Variants in IL17RE observed in about 807,000 individuals in gnomAD.
IL17RE encodes the protein interleukin-17 receptor E.
Under a neutral mutation model 70.7 loss-of-function variants are expected in IL17RE, and 47 were observed. The ratio of observed to expected loss-of-function variants is 0.67; its 90% CI spans 0.53 to 0.85. IL17RE has a LOEUF of 0.85. Among genes scored for constraint, IL17RE ranks in the 40% least tolerant of loss-of-function variants. The pLI is 0.00. For missense variants in IL17RE, 850 were observed against 893.9 expected (o/e 0.95, Z 0.63); for synonymous variants, 372 against 381.2 (o/e 0.98, Z 0.28).
chr3:9,907,208 T>C, intron 6 of IL17RE, 108 bp downstream of exon 6: 1 of 1,367,472 alleles, frequency 7.3e-7, no homozygotes, highest in South Asian at 1.3e-5. Flanking sequence ...ATGGTAACTG[T>C]CCAAGACCTC....
In IL17RE at chr3:9,906,808, C is replaced by A. The variant is rs988897648; in HGVS notation, c.469C>A (p.Pro157Thr). 3 of 1,614,088 alleles carry A rather than the reference C, an allele frequency of 1.9e-6. No individual in the cohort carries two copies. The highest frequency in any genetic ancestry group is 2.5e-6 in the Non-Finnish European group (3 of 1,180,052). The change falls in exon 5 of 16, where the codon CCT becomes ACT. Residue 157 changes from proline to threonine, a missense_variant. Physicochemically the swap from Pro to Thr is conservative, Grantham distance 38. Transcript: ENST00000383814. ...GGGACTTCGCTCTAAAAGGACCCAA[C>A]CTTCGGATCCAGAGACATGGGAAAG... ...HKGLRSKRTQ[P>T]SDPETWESLP...
intron 8 of IL17RE, 125 bp downstream of exon 8, chr3:9,909,408 C>T (rs2082839906): frequency 1.1e-6 from 1 of 872,756 alleles, no homozygotes; most frequent in Non-Finnish European, 1.8e-6. Flanking sequence ...GGGAAGTCCC[C>T]AGAAGGCATG....
At chr3:9,903,548 C>A (rs1163078332) in intron 2 of IL17RE, 136 bp downstream of exon 2, 5 of 941,982 alleles carry the variant, frequency 5.3e-6, no homozygotes, top group Non-Finnish European at 8.2e-6. Context: ...GGAATCATGA[C>A]AAGCCTGGGT....
intron 6 of IL17RE, among the ~76,000 whole-genome samples, chr3:9,908,037 C>G (rs938156952): frequency 1.3e-5 from 2 of 152,176 alleles, no homozygotes; most frequent in African/African-American, 2.4e-5. Flanking sequence ...CTCCTTCCCC[C>G]CAACTCCACC....
rs747873185 is a variant in IL17RE at position 9,915,810 on chromosome 3, A to G, written c.*3A>G. 3.3e-6 allele frequency: 5 copies of G among 1,520,464 alleles called. No homozygotes were observed. The highest frequency in any genetic ancestry group is 1.9e-4 in the Middle Eastern group (1 of 5,298). The allele number at this position is 1,520,464 out of a possible 1,614,324, so 94.2% of individuals were successfully genotyped here. The stretch of plus-strand genomic sequence containing the variant: ...CCCGACTTGCAGACCTAGGTTGAGC[A>G]GAGCTCCACCGCAGTCCCGGGTGTC... On this transcript the variant is annotated 3_prime_UTR_variant, in exon 16 of 16. Coordinates refer to ENST00000383814, the MANE Select transcript of IL17RE (RefSeq NM_153480.2). The surrounding 1 kb of genome is among the most constrained non-coding windows in gnomAD (Gnocchi z 4.9).
rs921042240 is a variant in IL17RE at position 9,903,919 on chromosome 3, C to A, written c.149-113C>A. ...CTGATCCTTAGACAGGTCCTGTAACCCCCAAAGTCATACTTCCAGGATGTG... is the reference window on the plus strand; with the variant it reads ...CTGATCCTTAGACAGGTCCTGTAACACCCAAAGTCATACTTCCAGGATGTG... On this transcript the variant is annotated intron_variant, in intron 2 of 15. Coordinates refer to ENST00000383814, the MANE Select transcript of IL17RE (RefSeq NM_153480.2). 27 of 1,330,700 alleles carry A rather than the reference C, an allele frequency of 2.0e-5. No homozygotes were observed. In the African/African-American group the frequency reaches 2.6e-4, roughly 13 times the overall value. 82.4% of individuals were successfully genotyped at this position (1,330,700 alleles called of 1,614,324 possible).
chr3:9,904,150 A>G lies in IL17RE; in HGVS notation c.267A>G (p.Ser89=). The G allele has an allele frequency of 1.9e-6, 3 of 1,614,072 alleles. No homozygotes were observed. In the Admixed American group the frequency reaches 5.0e-5, roughly 27 times the overall value. Reference sequence around the variant, plus strand: ...GCCAGCATCTGCTGTCAGGTGGCTCAGGTATGAGAAACAGCCCCTTGGGCC... The same window carrying G: ...GCCAGCATCTGCTGTCAGGTGGCTCGGGTATGAGAAACAGCCCCTTGGGCC... ...CLCQHLLSGG[S]GLQRGLFHLL... is the part of the protein sequence containing the mutation. Residue 89 remains serine (S), a splice_region_variant and synonymous_variant, in exon 3 of 16, where the codon TCA becomes TCG. Coordinates refer to ENST00000383814, the MANE Select transcript of IL17RE (RefSeq NM_153480.2).
intron 3 of IL17RE, among the ~76,000 whole-genome samples, 193 bp from the exon 4 acceptor site, chr3:9,906,171 C>T (rs1311821512): frequency 6.6e-6 from 1 of 151,832 alleles, no homozygotes; most frequent in African/African-American, 2.4e-5. Flanking sequence ...ATCACTTGAA[C>T]TTGGGAGGTG....
At chr3:9,902,579 A>G (rs2082662396), upstream of IL17RE, 7 of 1,513,412 alleles carry the variant, frequency 4.6e-6, no homozygotes, top group Middle Eastern at 6.7e-4. Context: ...GGTGGATCAG[A>G]TCTGCAGTGT....
At chr3:9,912,405 A>G (rs975864722) in intron 12 of IL17RE, among the ~76,000 whole-genome samples, 5 of 152,166 alleles carry the variant, frequency 3.3e-5, no homozygotes, top group East Asian at 1.9e-4. Context: ...TGCCTCCACG[A>G]GGCACCTGTG....
Position 9,915,999 on chromosome 3 carries a change from C to A in IL17RE, c.*192C>A. On this transcript the variant is annotated 3_prime_UTR_variant, in exon 16 of 16. Coordinates refer to ENST00000383814, the MANE Select transcript of IL17RE (RefSeq NM_153480.2). The surrounding 1 kb of genome is among the most constrained non-coding windows in gnomAD (Gnocchi z 4.9). ...GCGCGCGTCCCTCTTCCTCCTCATA[C>A]TTTCCCTTGACTGAGAGCTCCTCTA... 1 of 1,044,646 alleles carries A rather than the reference C, an allele frequency of 9.6e-7. No individual in the cohort carries two copies. The highest frequency in any genetic ancestry group is 1.3e-6 in the Non-Finnish European group (1 of 788,416). 64.7% of individuals were successfully genotyped at this position (1,044,646 alleles called of 1,614,324 possible). A position where few individuals can be genotyped will look rare whatever the true frequency, so the allele number is the denominator to read the frequency against.
In IL17RE at chr3:9,914,722, C is replaced by T; in HGVS notation, c.1392C>T (p.Ala464=). The change falls in exon 15 of 16, where the codon GCC becomes GCT. Residue 464 remains alanine, a synonymous_variant. Coordinates refer to ENST00000383814, the MANE Select transcript of IL17RE (RefSeq NM_153480.2). ...GGCTCTTGATCCTGGCACTGCTGGC[C>T]CTCCTCACCCTACTGGGTGTTGTTC... ...HLGLLILALL[A]LLTLLGVVLA... The T allele has an allele frequency of 6.2e-7, 1 of 1,614,120 alleles. No individual in the cohort carries two copies. The highest frequency in any genetic ancestry group is 8.5e-7 in the Non-Finnish European group (1 of 1,180,018).
intron 2 of IL17RE, 125 bp downstream of exon 2, chr3:9,903,537 T>G: frequency 9.5e-7 from 1 of 1,056,936 alleles, no homozygotes; most frequent in Non-Finnish European, 1.4e-6. Context: ...AGGAAAAATT[T>G]GGAATCATGA....
At chr3:9,907,771 C>T (rs1315131325) in intron 6 of IL17RE, among the ~76,000 whole-genome samples, 1 of 152,194 alleles carries the variant, frequency 6.6e-6, no homozygotes, top group Non-Finnish European at 1.5e-5. Context: ...AGTGATATGT[C>T]TCCCATTCTC....
chr3:9,915,686 C>A lies in IL17RE; in HGVS notation c.1883C>A (p.Ala628Glu). Residue 628 changes from alanine to glutamate, a missense_variant, in exon 16 of 16, where the codon GCG becomes GAG. Physicochemically the swap from Ala to Glu is moderately radical, Grantham distance 107. Transcript: ENST00000383814. The surrounding 1 kb of genome is among the most constrained non-coding windows in gnomAD (Gnocchi z 4.9). Reference sequence around the variant, plus strand: ...CCGCGTCTGCTGCGGGCGCTGGACGCGCGGCCTTTCGCAGAGGCCACCAGC... The same window carrying A: ...CCGCGTCTGCTGCGGGCGCTGGACGAGCGGCCTTTCGCAGAGGCCACCAGC... The part of the protein sequence containing the change: ...DLPRLLRALD[A>E]RPFAEATSWG... The A allele has an allele frequency of 7.2e-7, 1 of 1,384,684 alleles. No individual in the cohort carries two copies. The highest frequency in any genetic ancestry group is 1.6e-5 in the South Asian group (1 of 61,332). 85.8% of individuals were successfully genotyped at this position (1,384,684 alleles called of 1,614,324 possible).
chr3:9,903,439 T>C (rs1367776502), intron 2 of IL17RE, 27 bp downstream of exon 2: 2 of 1,613,580 alleles, frequency 1.2e-6, no homozygotes, highest in South Asian at 1.1e-5. Flanking sequence ...GCCCCATTGC[T>C]CCTCCCCACG....
chr3:9,903,133 C>T, intron 1 of IL17RE, 69 bp downstream of exon 1: 1 of 1,365,960 alleles, frequency 7.3e-7, no homozygotes, highest in Non-Finnish European at 1.0e-6. Context: ...CCCCTGCCTG[C>T]CCTGTGCTAC....
At chr3:9,909,391 G>A (rs753452053) in intron 8 of IL17RE, 108 bp downstream of exon 8, 7 of 1,032,650 alleles carry the variant, frequency 6.8e-6, no homozygotes, top group African/African-American at 1.6e-5. Context: ...CTTCACACAT[G>A]TGCTGGGGGA....
chr3:9,914,132 C>G, intron 13 of IL17RE, 108 bp downstream of exon 13: 1 of 922,376 alleles, frequency 1.1e-6, no homozygotes, highest in Non-Finnish European at 1.7e-6. Flanking sequence ...TTGGCCAGCA[C>G]AGTGTTTTAA....
Sources: gnomAD v4.1 joint callset for allele counts (sites outside exome capture counted in the v4.1 genomes callset) on GRCh38, gnomAD v4.1.1 for gene constraint, Gnocchi (gnomAD v3.1) non-coding constraint, MANE v1.5 for transcripts, NCBI Gene and HGNC (gene_info 2026-07-23, HGNC 2026-07-21) for gene names.